Variants in PRR16 observed in about 807,000 individuals in gnomAD.
PRR16 encodes proline rich 16.
A neutral mutation model predicts 18.2 loss-of-function variants in PRR16; 6 were observed. That is an observed-to-expected ratio of 0.33 (90% confidence interval 0.18 to 0.65). The LOEUF is 0.65. Ranked by LOEUF, PRR16 falls within the 30% of genes least tolerant of loss-of-function variation. The pLI, the probability that PRR16 is intolerant of heterozygous loss-of-function variation, is 0.74. For synonymous variants in PRR16, 151 were observed against 147.8 expected (o/e 1.02, Z -0.16); for missense variants, 412 against 376.6 (o/e 1.09, Z -0.78).
chr5:120,754,479 TATA>T, the PRR16 span, among the ~76,000 whole-genome samples: 1 of 79,822 alleles, frequency 1.3e-5, no homozygotes, highest in African/African-American at 5.0e-5. Context: ...GTATATATTA[TATA>T]ATATATAGTA....
the PRR16 span, among the ~76,000 whole-genome samples, chr5:120,772,357 A>G: frequency 6.6e-6 from 1 of 152,030 alleles, no homozygotes; most frequent in Non-Finnish European, 1.5e-5. Flanking sequence ...CTCATCTGTA[A>G]TCTTTAATCT....
At chr5:120,537,299 T>G (rs1751748826) in intron 1 of PRR16, among the ~76,000 whole-genome samples, 1 of 152,228 alleles carries the variant, frequency 6.6e-6, no homozygotes, top group Admixed American at 6.5e-5. Context: ...CTAAATTAAC[T>G]CTTAAAATAA....
chr5:120,691,610 A>G (rs1242647598), downstream of PRR16, among the ~76,000 whole-genome samples: 1 of 152,174 alleles, frequency 6.6e-6, no homozygotes, highest in Non-Finnish European at 1.5e-5. Context: ...TGACCCCTAA[A>G]GCCAAAAGTA....
intron 1 of PRR16, among the ~76,000 whole-genome samples, chr5:120,633,670 T>A (rs1755133036): frequency 6.6e-6 from 1 of 151,920 alleles, no homozygotes; most frequent in South Asian, 2.1e-4. Flanking sequence ...GACAGGAAAA[T>A]ATCACAATTC....
chr5:120,788,959 A>C, the PRR16 span, among the ~76,000 whole-genome samples: 1 of 151,994 alleles, frequency 6.6e-6, no homozygotes, highest in East Asian at 1.9e-4. Context: ...GTGACTAGTA[A>C]TTTTGTCACA....
chr5:120,756,755 T>C, the PRR16 span, among the ~76,000 whole-genome samples: 2 of 152,116 alleles, frequency 1.3e-5, no homozygotes, highest in Non-Finnish European at 2.9e-5. Flanking sequence ...GTGTGTTGAC[T>C]GCATTGATAG....
At chr5:120,707,992 A>G in the PRR16 span, among the ~76,000 whole-genome samples, 1 of 152,234 alleles carries the variant, frequency 6.6e-6, no homozygotes, top group East Asian at 1.9e-4. Context: ...TTTAGCTTCT[A>G]AGAATGAAAA....
chr5:120,500,510 A>G (rs965973869), intron 1 of PRR16, among the ~76,000 whole-genome samples: 1 of 152,216 alleles, frequency 6.6e-6, no homozygotes, highest in Non-Finnish European at 1.5e-5. Flanking sequence ...TAAGACCAAA[A>G]CATTAAACTT....
the PRR16 span, among the ~76,000 whole-genome samples, chr5:120,735,456 C>T: frequency 4.6e-5 from 7 of 152,100 alleles, no homozygotes; most frequent in South Asian, 2.1e-4. Flanking sequence ...GGTGTAGTTT[C>T]TTTACATCCT....
At chr5:120,785,690 A>G in the PRR16 span, among the ~76,000 whole-genome samples, 2 of 150,640 alleles carry the variant, frequency 1.3e-5, no homozygotes, top group African/African-American at 4.9e-5. Context: ...CTCCTGCCTC[A>G]GCCTTCTCAG....
At chr5:120,724,386 T>C in the PRR16 span, among the ~76,000 whole-genome samples, 12 of 152,090 alleles carry the variant, frequency 7.9e-5, no homozygotes, top group African/African-American at 2.9e-4. Flanking sequence ...CTATTTTAGA[T>C]TCCTCATCTG....
At chr5:120,668,925 C>T (rs749970717) in intron 1 of PRR16, among the ~76,000 whole-genome samples, 9 of 151,822 alleles carry the variant, frequency 5.9e-5, no homozygotes, top group African/African-American at 1.2e-4. Flanking sequence ...ATAACGCGTC[C>T]GCATCAAATA....
At chr5:120,719,524 G>C in the PRR16 span, among the ~76,000 whole-genome samples, 1 of 152,010 alleles carries the variant, frequency 6.6e-6, no homozygotes, top group African/African-American at 2.4e-5. Context: ...AGAGATATGA[G>C]ATTCTGGACT....
the PRR16 span, among the ~76,000 whole-genome samples, chr5:120,764,322 G>A: frequency 1.2e-4 from 19 of 152,134 alleles, no homozygotes; most frequent in African/African-American, 4.6e-4. Flanking sequence ...ATTATCATAT[G>A]TTTTCATCTT....
At chr5:120,698,508 A>ACAGTCTAAACTTG in the PRR16 span, among the ~76,000 whole-genome samples, 1 of 118,848 alleles carries the variant, frequency 8.4e-6, no homozygotes, top group Admixed American at 8.3e-5. Context: ...GCTTGGAGAA[A>ACAGTCTAAACTTG]CAGTGTAAAC....
the PRR16 span, among the ~76,000 whole-genome samples, chr5:120,736,532 A>G: frequency 1.4e-5 from 2 of 139,002 alleles, no homozygotes; most frequent in Non-Finnish European, 3.1e-5. Context: ...CCCAAAGTGT[A>G]AAGGCTTTTT....
chr5:120,515,072 C>T (rs151326150), intron 1 of PRR16, among the ~76,000 whole-genome samples: 144 of 152,266 alleles, frequency 9.5e-4, no homozygotes, highest in African/African-American at 3.1e-3. Context: ...TTATTTGGCT[C>T]ATGGTTCTGG....
chr5:120,744,211 G>A, the PRR16 span, among the ~76,000 whole-genome samples: 1 of 152,116 alleles, frequency 6.6e-6, no homozygotes, highest in Admixed American at 6.6e-5. Context: ...AGTTAAGGAG[G>A]ACAAGTTGGT....
At chr5:120,556,414 G>A (rs1013901806) in intron 1 of PRR16, among the ~76,000 whole-genome samples, 3 of 151,648 alleles carry the variant, frequency 2.0e-5, no homozygotes, top group Non-Finnish European at 4.4e-5. Context: ...GATAATTTCC[G>A]TGATCACAAT....
Sources: allele counts gnomAD v4.1 joint callset (sites outside exome capture counted in the v4.1 genomes callset), GRCh38; gene constraint gnomAD v4.1.1; transcripts MANE v1.5; gene names NCBI Gene and HGNC (gene_info 2026-07-23, HGNC 2026-07-21).